The following TCF12 variants were observed in gnomAD, a reference collection of about 807,000 sequenced individuals.
TCF12 encodes the protein DNA-binding protein HTF4.
Under a neutral mutation model 86.0 loss-of-function variants are expected in TCF12, and 45 were observed. The observed-to-expected ratio is 0.52, with a 90% CI of 0.41 to 0.67. The LOEUF is 0.67. Ranked by LOEUF, TCF12 falls within the 30% of genes least tolerant of loss-of-function variation. TCF12 has a pLI of 0.00. For synonymous variants in TCF12, 330 were observed against 299.6 expected (o/e 1.10, Z -1.05); for missense variants, 881 against 859.9 (o/e 1.02, Z -0.31).
At chr15:57,016,426 A>G (rs1430198174) in intron 3 of TCF12, among the ~76,000 whole-genome samples, 1 of 152,128 alleles carries the variant, frequency 6.6e-6, no homozygotes, top group East Asian at 1.9e-4. Context: ...GGTTTATGGG[A>G]TTTGTTTAGC....
intron 5 of TCF12, among the ~76,000 whole-genome samples, chr15:57,113,799 A>T (rs1189446788): frequency 6.6e-6 from 1 of 151,548 alleles, no homozygotes; most frequent in African/African-American, 2.4e-5. Flanking sequence ...AAAAAAAAAA[A>T]ATTCAGCTAG....
intron 5 of TCF12, among the ~76,000 whole-genome samples, chr15:57,144,134 G>A (rs748753010): frequency 1.3e-5 from 2 of 152,228 alleles, no homozygotes; most frequent in Non-Finnish European, 2.9e-5. Context: ...TGAAGATGAT[G>A]TTCTTGTATG....
intron 3 of TCF12, among the ~76,000 whole-genome samples, chr15:57,004,808 G>T (rs753126304): frequency 6.6e-6 from 1 of 152,142 alleles, no homozygotes; most frequent in Middle Eastern, 3.4e-3. Context: ...TGCCTGCCTC[G>T]GCCCCCAAAG....
At chr15:56,947,790 G>C (rs1390734417) in intron 3 of TCF12, among the ~76,000 whole-genome samples, 1 of 152,190 alleles carries the variant, frequency 6.6e-6, no homozygotes, top group African/African-American at 2.4e-5. Context: ...AAGGAGGGCA[G>C]TATTAATGAA....
At position 57,091,789 on chromosome 15, in the gene TCF12, G is replaced by A. The variant is rs2049008213; in HGVS notation, c.223G>A (p.Gly75Ser). 1 of 1,612,810 alleles carries A rather than the reference G, an allele frequency of 6.2e-7. No individual in the cohort carries two copies. Among genetic ancestry groups the A allele is most frequent in the African/African-American group, 1.3e-5 (1 of 75,000 alleles). Residue 75 changes from glycine to serine, a missense_variant and splice_region_variant, in exon 5 of 21, where the codon GGT becomes AGT. Physicochemically the swap from Gly to Ser is moderately conservative, Grantham distance 56. Around this residue, in one of 3 missense-constraint regions of TCF12, gnomAD observed 766 missense variants for 718.9 expected, o/e 1.07. Coordinates refer to ENST00000333725, the MANE Select transcript of TCF12 (RefSeq NM_207037.2). Reference protein sequence around the residue: ...QPSPSYDSSRGFTDSPHYSDH... With the variant: ...QPSPSYDSSRSFTDSPHYSDH... Reference sequence around the variant, plus strand: ...TACTCTGATCTTTTTCTCCCCCTAGGGTTTTACAGACAGCCCTCATTACAG... The same window carrying A: ...TACTCTGATCTTTTTCTCCCCCTAGAGTTTTACAGACAGCCCTCATTACAG...
chr15:57,186,307 T>A (rs1392834053), intron 6 of TCF12, among the ~76,000 whole-genome samples: 4 of 152,144 alleles, frequency 2.6e-5, no homozygotes, highest in African/African-American at 7.2e-5. Flanking sequence ...AAGACCACCC[T>A]GGGCAATGTG....
intron 3 of TCF12, among the ~76,000 whole-genome samples, chr15:57,038,674 C>T (rs1043106713): frequency 1.1e-4 from 17 of 151,916 alleles, no homozygotes; most frequent in East Asian, 1.9e-4. Flanking sequence ...AAAAAAGAAG[C>T]GACAAGCCAT....
At chr15:56,968,030 C>T (rs1167425089) in intron 3 of TCF12, among the ~76,000 whole-genome samples, 1 of 151,948 alleles carries the variant, frequency 6.6e-6, no homozygotes, top group Non-Finnish European at 1.5e-5. Context: ...ATCTTGGCTT[C>T]CCTGCAACCT....
chr15:56,952,351 T>C (rs1296543171), intron 3 of TCF12, among the ~76,000 whole-genome samples: 45 of 151,922 alleles, frequency 3.0e-4, no homozygotes, highest in African/African-American at 1.1e-3. Context: ...TTTTTTTTTT[T>C]CAAAGTTATT....
At chr15:57,002,166 A>G (rs1444168538) in intron 3 of TCF12, among the ~76,000 whole-genome samples, 2 of 152,188 alleles carry the variant, frequency 1.3e-5, no homozygotes, top group Non-Finnish European at 2.9e-5. Flanking sequence ...AGTTGTCTCA[A>G]TAGGCAAAGA....
At chr15:57,224,585 G>C (rs2058778399) in intron 8 of TCF12, among the ~76,000 whole-genome samples, 1 of 152,034 alleles carries the variant, frequency 6.6e-6, no homozygotes, top group Admixed American at 6.6e-5. Flanking sequence ...AAAATGCTTT[G>C]TATGAAAACT....
At chr15:57,208,667 G>T (rs2151806459) in intron 8 of TCF12, among the ~76,000 whole-genome samples, 1 of 151,652 alleles carries the variant, frequency 6.6e-6, no homozygotes, top group East Asian at 1.9e-4. Flanking sequence ...TTACATGCGT[G>T]AGCCACTGCA....
Position 57,263,244 on chromosome 15 carries a change from A to G in TCF12, c.1715A>G (p.Asp572Gly). ...TCAGATGATGAATCCTCCCAAAAAG[A>G]TATCAAGGTTTCATCTAGAGGCAGA... Reference protein sequence around the residue: ...MKSDDESSQKDIKVSSRGRTS... With the variant: ...MKSDDESSQKGIKVSSRGRTS... The change falls in exon 18 of 21, where the codon GAT becomes GGT. Residue 572 changes from aspartate to glycine, a missense_variant. Asp to Gly is a moderately conservative substitution (Grantham distance 94). Around this residue, in one of 3 missense-constraint regions of TCF12, gnomAD observed 766 missense variants for 718.9 expected, o/e 1.07. Transcript: ENST00000333725. 1 of 1,611,132 alleles carries G rather than the reference A, an allele frequency of 6.2e-7. No homozygotes were observed. The highest frequency in any genetic ancestry group is 8.5e-7 in the Non-Finnish European group (1 of 1,179,344).
At chr15:57,158,888 G>A (rs1222549584) in intron 5 of TCF12, among the ~76,000 whole-genome samples, 7 of 152,326 alleles carry the variant, frequency 4.6e-5, no homozygotes, top group African/African-American at 1.4e-4. Context: ...CATCTTCACT[G>A]TAGCCAGCAG....
At chr15:57,146,166 G>A (rs550434737) in intron 5 of TCF12, among the ~76,000 whole-genome samples, 4 of 152,074 alleles carry the variant, frequency 2.6e-5, no homozygotes, top group Non-Finnish European at 5.9e-5. Context: ...CTTGTTCTCT[G>A]TGTAAAGCCT....
At chr15:57,245,124 G>A (rs2059801343) in intron 13 of TCF12, among the ~76,000 whole-genome samples, 1 of 152,202 alleles carries the variant, frequency 6.6e-6, no homozygotes, top group South Asian at 2.1e-4. Context: ...ATGCAGTTTT[G>A]TGTTTTGTTG....
intron 8 of TCF12, among the ~76,000 whole-genome samples, chr15:57,229,379 G>A (rs1324056651): frequency 6.6e-6 from 1 of 151,760 alleles, no homozygotes; most frequent in Non-Finnish European, 1.5e-5. Flanking sequence ...CCCCAAACTA[G>A]GGGATCCTTC....
chr15:57,243,339 C>A, intron 12 of TCF12, 133 bp from the exon 13 acceptor site: 1 of 665,412 alleles, frequency 1.5e-6, no homozygotes, highest in Non-Finnish European at 2.5e-6. Flanking sequence ...CAGTCTAAAA[C>A]TTGACAAGAA....
chr15:57,119,282 G>T (rs2051059912), intron 5 of TCF12, among the ~76,000 whole-genome samples: 1 of 151,282 alleles, frequency 6.6e-6, no homozygotes, highest in Non-Finnish European at 1.5e-5. Flanking sequence ...TTTTTTGTTT[G>T]TTTGTTTGTT....
Sources: allele counts gnomAD v4.1 joint callset (sites outside exome capture counted in the v4.1 genomes callset), GRCh38; gene constraint gnomAD v4.1.1; regional missense constraint gnomAD v4.1.1; transcripts MANE v1.5; gene names NCBI Gene and HGNC (gene_info 2026-07-23, HGNC 2026-07-21).